The following SCEL variants were observed in gnomAD, a reference collection of about 807,000 sequenced individuals.
The protein encoded by SCEL is sciellin.
SCEL carries 113 observed loss-of-function variants against 117.6 expected under a neutral mutation model. The ratio of observed to expected loss-of-function variants is 0.96; its 90% CI spans 0.83 to 1.12. The LOEUF is 1.12. Among genes scored for constraint, SCEL ranks in the 50% most tolerant of loss-of-function variants. SCEL has a pLI of 0.00. For missense variants in SCEL, 785 were observed against 810.8 expected, an observed-to-expected ratio of 0.97 and a Z score of 0.39; for synonymous variants, 270 against 256.2, an observed-to-expected ratio of 1.05 and a Z score of -0.51.
At chr13:77,605,353 C>G (rs771472483) in intron 19 of SCEL, among the ~76,000 whole-genome samples, 1 of 152,108 alleles carries the variant, frequency 6.6e-6, no homozygotes, top group Non-Finnish European at 1.5e-5. Context: ...GCACCGCGAC[C>G]CAATGAATTC....
chr13:77,547,317 A>T (rs1356766723), intron 1 of SCEL, among the ~76,000 whole-genome samples: 1 of 152,270 alleles, frequency 6.6e-6, no homozygotes, highest in Admixed American at 6.5e-5. Flanking sequence ...CCTGAAATCT[A>T]TAGTGATGAT....
At chr13:77,540,116 T>C (rs2083624512) in intron 1 of SCEL, among the ~76,000 whole-genome samples, 2 of 152,188 alleles carry the variant, frequency 1.3e-5, no homozygotes, top group African/African-American at 4.8e-5. Flanking sequence ...GGATTTATTC[T>C]CCCATTACCA....
chr13:77,633,744 C>T (rs1303640664), intron 28 of SCEL, among the ~76,000 whole-genome samples: 1 of 152,158 alleles, frequency 6.6e-6, no homozygotes, highest in Non-Finnish European at 1.5e-5. Context: ...TATAAAAATA[C>T]CCCACATCCA....
At position 77,555,906 on chromosome 13, in the gene SCEL, C is replaced by G; in HGVS notation, c.31C>G (p.Pro11Ala). 4 of 1,613,398 alleles carry G rather than the reference C, an allele frequency of 2.5e-6. No homozygotes were observed. The highest frequency in any genetic ancestry group is 2.5e-6 in the Non-Finnish European group (3 of 1,179,510). ...CAATGTTACCTTGAGAAAAATGTCT[C>G]CCACAGGAAATGGTAATGTACATGA... Reference protein sequence around the residue: MSNVTLRKMSPTGNEMKSTTQ... With the variant: MSNVTLRKMSATGNEMKSTTQ... The change falls in exon 2 of 33, where the codon CCC (proline) becomes GCC (alanine). Residue 11 changes from proline to alanine, a missense_variant. By Grantham distance (27) the Pro-to-Ala change is conservative. Transcript: ENST00000349847.
intron 28 of SCEL, 40 bp from the exon 29 acceptor site, chr13:77,634,339 A>C: frequency 6.5e-7 from 1 of 1,529,258 alleles, no homozygotes; most frequent in Non-Finnish European, 9.1e-7. Context: ...TATCCTTGCA[A>C]ATAAACTTTA....
At chr13:77,564,594 G>A (rs1164577829) in intron 5 of SCEL, among the ~76,000 whole-genome samples, 4 of 152,124 alleles carry the variant, frequency 2.6e-5, no homozygotes, top group Non-Finnish European at 4.4e-5. Context: ...GACAAAGTTA[G>A]CATCTTTAAT....
At chr13:77,601,505 T>C (rs903004394) in intron 15 of SCEL, among the ~76,000 whole-genome samples, 1 of 152,204 alleles carries the variant, frequency 6.6e-6, no homozygotes, top group Non-Finnish European at 1.5e-5. Flanking sequence ...AGCTTTCATA[T>C]TCGCTAATAA....
At chr13:77,570,925 C>T (rs1289022802) in intron 8 of SCEL, among the ~76,000 whole-genome samples, 1 of 151,680 alleles carries the variant, frequency 6.6e-6, no homozygotes, top group Non-Finnish European at 1.5e-5. Context: ...CTCTGCCTCC[C>T]AGGTTTAACC....
intron 32 of SCEL, among the ~76,000 whole-genome samples, chr13:77,643,824 A>T (rs1018982563): frequency 6.6e-6 from 1 of 152,096 alleles, no homozygotes; most frequent in Non-Finnish European, 1.5e-5. Context: ...GAGAGTTCTC[A>T]TATTCACTTT....
At position 77,642,819 on chromosome 13, in the gene SCEL, C is replaced by T; in HGVS notation, c.2050+11C>T. 1 of 1,432,796 alleles carries T rather than the reference C, an allele frequency of 7.0e-7. No individual in the cohort carries two copies. Among genetic ancestry groups the T allele is most frequent in the Non-Finnish European group, 9.6e-7 (1 of 1,037,450 alleles). The allele number at this position is 1,432,796 out of a possible 1,614,324, so 88.8% of individuals were successfully genotyped here. ...ACTCTAAAATTATGGGTAAGTGTTA[C>T]ACTCTAAGCATTTAACACTTTGGTT... On this transcript the variant is annotated intron_variant, in intron 32 of 32. Coordinates refer to ENST00000349847, the MANE Select transcript of SCEL (RefSeq NM_144777.3).
At chr13:77,617,972 T>A (rs373866055) in intron 26 of SCEL, 32 bp from the exon 27 acceptor site, 139 of 1,607,056 alleles carry the variant, frequency 8.6e-5, no homozygotes, top group Non-Finnish European at 1.0e-4. Context: ...CTATTACCAA[T>A]CTGAACTTTT....
At chr13:77,585,480 A>G (rs1221513011) in intron 9 of SCEL, among the ~76,000 whole-genome samples, 1 of 152,084 alleles carries the variant, frequency 6.6e-6, no homozygotes, top group Admixed American at 6.6e-5. Flanking sequence ...AACAACAACC[A>G]CTACAGCAAA....
At chr13:77,637,906 A>C (rs1396258863) in intron 30 of SCEL, among the ~76,000 whole-genome samples, 1 of 152,150 alleles carries the variant, frequency 6.6e-6, no homozygotes, top group African/African-American at 2.4e-5. Flanking sequence ...TTTACCATTC[A>C]ATGTTCAGTG....
chr13:77,609,436 C>T (rs1283520716), intron 21 of SCEL, among the ~76,000 whole-genome samples: 1 of 152,144 alleles, frequency 6.6e-6, no homozygotes, highest in East Asian at 1.9e-4. Flanking sequence ...GACCGGACCC[C>T]ATAGTTGTGG....
chr13:77,585,303 G>A (rs1388325001), intron 9 of SCEL, among the ~76,000 whole-genome samples: 1 of 152,178 alleles, frequency 6.6e-6, no homozygotes, highest in Non-Finnish European at 1.5e-5. Context: ...ATGGCTTTGG[G>A]TATCACTGGA....
chr13:77,585,035 C>T (rs748125705), intron 9 of SCEL, among the ~76,000 whole-genome samples: 7 of 152,228 alleles, frequency 4.6e-5, no homozygotes, highest in Non-Finnish European at 7.3e-5. Flanking sequence ...TGGAATTCTC[C>T]TATGAGGAAG....
chr13:77,612,270 C>G (rs2088690510), intron 22 of SCEL, among the ~76,000 whole-genome samples: 1 of 152,038 alleles, frequency 6.6e-6, no homozygotes, highest in Non-Finnish European at 1.5e-5. Context: ...CTATGAATGC[C>G]TATGTGAGTG....
chr13:77,599,964 C>T (rs752423888), intron 15 of SCEL: 181 of 529,968 alleles, frequency 3.4e-4, no homozygotes, highest in Non-Finnish European at 5.5e-4. Context: ...AGCTCTGTTT[C>T]CTCATTCCAT....
chr13:77,643,339 G>T (rs1253441772), intron 32 of SCEL, among the ~76,000 whole-genome samples: 1 of 152,034 alleles, frequency 6.6e-6, no homozygotes, highest in East Asian at 1.9e-4. Context: ...TGTGAGAAAA[G>T]GATATTGAGG....
Sources: gnomAD v4.1 joint callset for allele counts (sites outside exome capture counted in the v4.1 genomes callset) on GRCh38, gnomAD v4.1.1 for gene constraint, MANE v1.5 for transcripts, NCBI Gene and HGNC (gene_info 2026-07-23, HGNC 2026-07-21) for gene names.